The following TTC3 variants were observed in gnomAD, a reference collection of about 807,000 sequenced individuals.
TTC3 encodes tetratricopeptide repeat domain 3.
Under a neutral mutation model 249.6 loss-of-function variants are expected in TTC3, and 180 were observed. That is an observed-to-expected ratio of 0.72 (90% CI 0.64 to 0.82). The LOEUF (loss-of-function observed/expected upper bound fraction) is 0.82. TTC3 is among the 40% of genes least tolerant of loss of function. The pLI, the probability that TTC3 is intolerant of heterozygous loss-of-function variation, is 0.00. For synonymous variants in TTC3, 717 were observed against 805.0 expected (o/e 0.89, Z 1.85); for missense variants, 2,061 against 2,398.4 (o/e 0.86, Z 2.94).
At chr21:37,194,911 G>GGA (rs2084691752) in intron 41 of TTC3, 3 of 152,446 alleles carry the variant, frequency 2.0e-5, no homozygotes, top group Admixed American at 1.3e-4. Flanking sequence ...GGGCATGGCA[G>GGA]TGGGGGTGGA....
chr21:37,162,181 C>T, intron 31 of TTC3, 118 bp downstream of exon 31: 1 of 584,668 alleles, frequency 1.7e-6, no homozygotes, highest in African/African-American at 1.9e-5. Context: ...CTTTCTAAAG[C>T]TGTGCATCTG....
At chr21:37,166,459 A>G (rs748152612) in exon 33 of TTC3, 1 of 1,614,234 alleles carries the variant, frequency 6.2e-7, no homozygotes, top group Non-Finnish European at 8.5e-7. Flanking sequence ...GAATATCTGT[A>G]AAGTCACACT....
chr21:37,094,899 C>T (rs1369779110), intron 8 of TTC3, among the ~76,000 whole-genome samples: 3 of 151,956 alleles, frequency 2.0e-5, no homozygotes. Flanking sequence ...TTTGGGAGGT[C>T]GAGGTGGGAG....
intron 15 of TTC3, 85 bp downstream of exon 15, chr21:37,126,228 C>A: frequency 8.9e-7 from 1 of 1,128,748 alleles, no homozygotes; most frequent in Non-Finnish European, 1.3e-6. Context: ...ACAAGCCTTG[C>A]TTATATCCAC....
rs60916518 is a variant in TTC3, at chr21:37,124,112, C to CTTTTTTTTTTTTTTTT, written c.1110-499_1110-484dup. Among the ~76,000 whole-genome samples, 48 of 61,284 alleles carry CTTTTTTTTTTTTTTTT rather than the reference C, an allele frequency of 7.8e-4. 13 individuals carry two copies. Among genetic ancestry groups the CTTTTTTTTTTTTTTTT allele is most frequent in the Non-Finnish European group, 8.3e-4 (30 of 36,342 alleles). The allele number at this position is 61,284 out of a possible 152,430, so 40.2% of individuals were successfully genotyped here. A position where few individuals can be genotyped will look rare whatever the true frequency, so the allele number is the denominator to read the frequency against. ...GCAGAATACTTCTTTTTGAACTGTT[C>CTTTTTTTTTTTTTTTT]TTTTTTTTTTTTTTTTTTTTTTTGA... On this transcript the variant is annotated intron_variant, in intron 13 of 45. Coordinates refer to ENST00000355666, the Ensembl canonical transcript of TTC3.
chr21:37,135,456 G>A lies in TTC3; in HGVS notation c.1520G>A (p.Arg507His), dbSNP rs773389458. Reference sequence around the variant, plus strand: ...ATGGCCTTATTGGAGCAGCGTTGCCGCAGCGCTGCACAGGCCTTTACAGAG... The same window carrying A: ...ATGGCCTTATTGGAGCAGCGTTGCCACAGCGCTGCACAGGCCTTTACAGAG... Residue 507 changes from arginine (R) to histidine (H), a missense_variant, in exon 18 of 46, where the codon CGC becomes CAC. Arg to His is a conservative substitution (Grantham distance 29, BLOSUM62 0). Transcript: ENST00000355666. 1.2e-4 allele frequency: 188 copies of A among 1,613,836 alleles called. 1 individual carries two copies. The highest frequency in any genetic ancestry group is 4.7e-4 in the Admixed American group (28 of 59,986).
chr21:37,091,316 T>C (rs765289791), exon 7 of TTC3: 1 of 1,610,886 alleles, frequency 6.2e-7, no homozygotes, highest in Non-Finnish European at 8.5e-7. Flanking sequence ...TGGAAGAAGC[T>C]CTGAATTGGA....
At chr21:37,161,010 A>C in intron 30 of TTC3, 152 bp downstream of exon 30, 1 of 677,796 alleles carries the variant, frequency 1.5e-6, no homozygotes, top group Non-Finnish European at 2.3e-6. Context: ...AGTCTTCTAC[A>C]TTTTGAAGAA....
At chr21:37,182,031 C>T (rs1282818048) in intron 35 of TTC3, among the ~76,000 whole-genome samples, 1 of 152,120 alleles carries the variant, frequency 6.6e-6, no homozygotes, top group Non-Finnish European at 1.5e-5. Context: ...ATATTTGTTT[C>T]CTTTAAATAT....
intron 14 of TTC3, 45 bp downstream of exon 14, chr21:37,124,787 C>A: frequency 6.3e-7 from 1 of 1,590,114 alleles, no homozygotes; most frequent in South Asian, 1.1e-5. Context: ...GATAGATAGT[C>A]TCATATTTTT....
intron 36 of TTC3, among the ~76,000 whole-genome samples, chr21:37,184,695 C>T (rs1310439960): frequency 1.3e-5 from 2 of 148,730 alleles, no homozygotes; most frequent in Non-Finnish European, 3.0e-5. Flanking sequence ...TCTCGAACTC[C>T]TGACCTCAGA....
At chr21:37,144,233 A>C (rs1389023363) in intron 20 of TTC3, among the ~76,000 whole-genome samples, 1 of 151,444 alleles carries the variant, frequency 6.6e-6, no homozygotes, top group Non-Finnish European at 1.5e-5. Flanking sequence ...CCTAGAACTT[A>C]AAGTATAATA....
chr21:37,087,723 C>T (rs2072692405), intron 2 of TTC3, 110 bp from the exon 3 acceptor site: 2 of 860,944 alleles, frequency 2.3e-6, no homozygotes, highest in East Asian at 2.6e-5. Context: ...GTGTTTGAAG[C>T]ATATAAATAA....
chr21:37,201,831 A>AGGT (rs1181409502), exon 46 of TTC3: 5 of 479,248 alleles, frequency 1.0e-5, no homozygotes, highest in African/African-American at 9.9e-5. Context: ...GGGCTCTTTG[A>AGGT]GGTGGGTGGC....
At chr21:37,188,991 G>A (rs534316525) in intron 39 of TTC3, among the ~76,000 whole-genome samples, 1 of 152,176 alleles carries the variant, frequency 6.6e-6, no homozygotes, top group Non-Finnish European at 1.5e-5. Context: ...CAGTGGAGTT[G>A]TTTGTGAATT....
exon 35 of TTC3, chr21:37,172,640 C>G: frequency 6.2e-7 from 1 of 1,613,616 alleles, no homozygotes; most frequent in Admixed American, 1.7e-5. Context: ...ATTACAAGAC[C>G]AACTTCAAGA....
chr21:37,168,188 A>T (rs2081413992), intron 34 of TTC3, among the ~76,000 whole-genome samples: 1 of 152,214 alleles, frequency 6.6e-6, no homozygotes, highest in South Asian at 2.1e-4. Context: ...ATGGGAATTG[A>T]TGAATATTTC....
At chr21:37,172,849 A>G (rs2081927058) in intron 35 of TTC3, 105 bp downstream of exon 35, 1 of 1,327,862 alleles carries the variant, frequency 7.5e-7, no homozygotes, top group South Asian at 1.5e-5. Flanking sequence ...ATTGGTGGCT[A>G]AACAAAAGAT....
At chr21:37,202,807 C>T (rs903449505) in exon 46 of TTC3, 11 of 152,304 alleles carry the variant, frequency 7.2e-5, no homozygotes, top group African/African-American at 2.6e-4. Context: ...CTGATTTGGT[C>T]ACCTTCCTCT....
Sources: gnomAD v4.1 joint callset for allele counts (sites outside exome capture counted in the v4.1 genomes callset) on GRCh38, gnomAD v4.1.1 for gene constraint, MANE v1.5 for transcripts, NCBI Gene and HGNC (gene_info 2026-07-23, HGNC 2026-07-21) for gene names.